The following CDH12 variants were observed in gnomAD, a reference collection of about 807,000 sequenced individuals.
CDH12 encodes the protein cadherin 12, also known as cadherin-12.
Under a neutral mutation model 74.1 loss-of-function variants are expected in CDH12, and 41 were observed. The ratio of observed to expected loss-of-function variants is 0.55; its 90% CI spans 0.43 to 0.72. The LOEUF is 0.72. Ranked by LOEUF, CDH12 falls within the 30% of genes least tolerant of loss-of-function variation. The pLI, the probability that CDH12 is intolerant of heterozygous loss-of-function variation, is 0.00. For missense variants in CDH12, 945 were observed against 977.2 expected (o/e 0.97, Z 0.44); for synonymous variants, 399 against 355.0 (o/e 1.12, Z -1.39).
chr5:22,153,889 A>ATATGTATATATATATATATATATGTATAT (rs1561168560), intron 4 of CDH12, among the ~76,000 whole-genome samples: 1 of 42,060 alleles, frequency 2.4e-5, no homozygotes, highest in Non-Finnish European at 5.2e-5. Flanking sequence ...TATATATATA[A>ATATGTATATATATATATATATATGTATAT]ATATATATAT....
intron 1 of CDH12, among the ~76,000 whole-genome samples, chr5:22,651,457 A>T (rs903558634): frequency 6.6e-6 from 1 of 152,110 alleles, no homozygotes; most frequent in African/African-American, 2.4e-5. Flanking sequence ...CTTCTTCACA[A>T]GGTGATAGAA....
At chr5:22,196,972 T>C (rs1165990837) in intron 4 of CDH12, among the ~76,000 whole-genome samples, 1 of 152,146 alleles carries the variant, frequency 6.6e-6, no homozygotes. Context: ...GCTTAATATC[T>C]GGGTGATGAA....
At chr5:22,131,602 T>C (rs1218164649) in intron 4 of CDH12, among the ~76,000 whole-genome samples, 1 of 152,140 alleles carries the variant, frequency 6.6e-6, no homozygotes, top group Non-Finnish European at 1.5e-5. Flanking sequence ...AGCCACATCC[T>C]GAATGTGGCT....
chr5:22,667,439 C>T (rs548066043), intron 1 of CDH12, among the ~76,000 whole-genome samples: 2 of 152,224 alleles, frequency 1.3e-5, no homozygotes, highest in South Asian at 2.1e-4. Context: ...GGGTGAGGGG[C>T]TCAATGTGAG....
chr5:22,336,748 G>A (rs1418771179), intron 3 of CDH12, among the ~76,000 whole-genome samples: 1 of 152,222 alleles, frequency 6.6e-6, no homozygotes, highest in Non-Finnish European at 1.5e-5. Context: ...TGCAGGGGTG[G>A]GGCCCTCATG....
intron 1 of CDH12, among the ~76,000 whole-genome samples, chr5:22,577,333 C>T (rs2126776503): frequency 1.3e-5 from 2 of 152,268 alleles, no homozygotes; most frequent in East Asian, 3.9e-4. Flanking sequence ...GTGAATATGA[C>T]TGCAGTTATG....
intron 4 of CDH12, among the ~76,000 whole-genome samples, chr5:22,190,573 T>C (rs1750219282): frequency 6.6e-6 from 1 of 152,160 alleles, no homozygotes; most frequent in Non-Finnish European, 1.5e-5. Context: ...CCTTCTCTTG[T>C]CTACAAAAAA....
intron 1 of CDH12, among the ~76,000 whole-genome samples, chr5:22,626,927 A>C (rs910747276): frequency 7.9e-5 from 12 of 152,064 alleles, no homozygotes; most frequent in Admixed American, 7.9e-4. Flanking sequence ...AGAGAACTTA[A>C]AAAAAACACT....
At chr5:22,375,589 A>T (rs959970703) in intron 3 of CDH12, among the ~76,000 whole-genome samples, 6 of 152,170 alleles carry the variant, frequency 3.9e-5, no homozygotes. Context: ...AACTCAAACA[A>T]TTCAGCAATA....
In CDH12 at chr5:22,844,059, T is replaced by C. The variant is rs934815898; in HGVS notation, c.-523+8999A>G. Among the ~76,000 whole-genome samples, 18 of 152,128 alleles carry C rather than the reference T, an allele frequency of 1.2e-4. No individual in the cohort carries two copies. The East Asian group carries it at 3.5e-3, about 29-fold the overall frequency. ...ATACAACCTGCCCATGGTTTTTCCA[T>C]CCTTCATCAAGATAAAAAAGAGAAA... On this transcript the variant is annotated intron_variant, in intron 1 of 14. Coordinates refer to ENST00000382254, the MANE Select transcript of CDH12 (RefSeq NM_004061.5).
At chr5:22,431,353 A>G (rs1232770246) in intron 2 of CDH12, among the ~76,000 whole-genome samples, 1 of 152,202 alleles carries the variant, frequency 6.6e-6, no homozygotes, top group African/African-American at 2.4e-5. Flanking sequence ...CCATCATAAC[A>G]TTTCAGCACA....
At chr5:22,730,449 A>G (rs1403365789) in intron 1 of CDH12, among the ~76,000 whole-genome samples, 1 of 151,856 alleles carries the variant, frequency 6.6e-6, no homozygotes, top group Non-Finnish European at 1.5e-5. Context: ...GTCAGAAAAA[A>G]GTAATCTGAG....
intron 1 of CDH12, among the ~76,000 whole-genome samples, chr5:22,686,728 C>A (rs568151689): frequency 4.3e-4 from 66 of 152,128 alleles, no homozygotes; most frequent in African/African-American, 1.5e-3. Context: ...GAGTTGTTTT[C>A]AAGATTAAAT....
chr5:22,646,350 A>T (rs1739431151), intron 1 of CDH12, among the ~76,000 whole-genome samples: 1 of 151,764 alleles, frequency 6.6e-6, no homozygotes. Flanking sequence ...TAAGTGCCCT[A>T]AAAATTAAAT....
chr5:22,247,751 T>TA (rs1753003340), intron 3 of CDH12, among the ~76,000 whole-genome samples: 1 of 152,166 alleles, frequency 6.6e-6, no homozygotes, highest in African/African-American at 2.4e-5. Context: ...TACTGTGACA[T>TA]AAAAAATTCT....
chr5:21,962,364 C>A (rs940160274), intron 6 of CDH12, among the ~76,000 whole-genome samples: 3 of 152,104 alleles, frequency 2.0e-5, no homozygotes, highest in Non-Finnish European at 4.4e-5. Context: ...TGAGAGTATA[C>A]CCTGCCAGTG....
intron 4 of CDH12, among the ~76,000 whole-genome samples, chr5:22,179,591 A>T (rs1174687427): frequency 6.6e-5 from 10 of 152,314 alleles, no homozygotes; most frequent in Middle Eastern, 3.4e-3. Flanking sequence ...AGATTACCTT[A>T]AGAACAACTT....
intron 3 of CDH12, among the ~76,000 whole-genome samples, chr5:22,277,431 G>T (rs142264325): frequency 3.3e-5 from 5 of 152,188 alleles, no homozygotes; most frequent in Non-Finnish European, 7.4e-5. Context: ...ATCTGAGAAG[G>T]TAGGGTGGCT....
chr5:22,716,328 T>C (rs933249931), intron 1 of CDH12, among the ~76,000 whole-genome samples: 1 of 152,044 alleles, frequency 6.6e-6, no homozygotes, highest in Non-Finnish European at 1.5e-5. Context: ...CCATTAACAC[T>C]GAGGCACATA....
Sources: allele counts gnomAD v4.1 joint callset (sites outside exome capture counted in the v4.1 genomes callset), GRCh38; gene constraint gnomAD v4.1.1; transcripts MANE v1.5; gene names NCBI Gene and HGNC (gene_info 2026-07-23, HGNC 2026-07-21).